Variants in SLAMF1 observed in about 807,000 individuals in gnomAD.
SLAMF1 encodes the protein signaling lymphocytic activation molecule family member 1, also known as signaling lymphocytic activation molecule.
In SLAMF1, 18 loss-of-function variants were observed where a neutral mutation model predicts 35.1. That is an observed-to-expected ratio of 0.51 (90% CI 0.35 to 0.76). SLAMF1 has a LOEUF of 0.76. Ranked by LOEUF, SLAMF1 falls within the 30% of genes least tolerant of loss-of-function variation. The pLI is 0.01. For missense variants in SLAMF1, 392 were observed against 413.0 expected (o/e 0.95, Z 0.44); for synonymous variants, 168 against 157.2 (o/e 1.07, Z -0.51).
Position 160,619,949 on chromosome 1 carries a change from C to T in SLAMF1, c.791-100G>A, listed in dbSNP as rs1659516850. ...CTGTCCTTTGCATACCCACTTTCCC[C>T]AAGGGCACAATGGAAACAAAGCCCT... is the stretch of plus-strand genomic sequence containing the variant. On this transcript the variant is annotated intron_variant, in intron 4 of 6. Coordinates refer to ENST00000302035, the MANE Select transcript of SLAMF1 (RefSeq NM_003037.5). The T allele has an allele frequency of 3.8e-6, 3 of 791,730 alleles. No homozygotes were observed. The East Asian group carries it at 7.3e-5, about 19-fold the overall frequency. 49.0% of individuals were successfully genotyped at this position (791,730 alleles called of 1,614,324 possible).
rs2295612 is a variant in SLAMF1, at chr1:160,646,913, G to A, written c.33C>T (p.Phe11=). The A allele has an allele frequency of 5.0e-6, 8 of 1,605,140 alleles. No homozygotes were observed. Among genetic ancestry groups the A allele is most frequent in the East Asian group, 4.5e-5 (2 of 44,792 alleles). The part of the protein sequence containing the change: MDPKGLLSLT[F]VLFLSLAFGA... ...CAAAAGCCAGGGAGAGAAACAGCAC[G>A]AAGGTCAAGGAGAGGAGCCCCTTGG... Residue 11 remains phenylalanine, a synonymous_variant, in exon 1 of 7, where the codon TTC becomes TTT. Coordinates refer to ENST00000302035, the MANE Select transcript of SLAMF1 (RefSeq NM_003037.5).
chr1:160,612,058 T>C (rs1042268920), intron 6 of SLAMF1, among the ~76,000 whole-genome samples: 4 of 152,088 alleles, frequency 2.6e-5, no homozygotes, highest in African/African-American at 9.7e-5. Flanking sequence ...GATGTGGTCC[T>C]TGGACAACTC....
chr1:160,617,843 TG>T (rs1398851303), intron 5 of SLAMF1, among the ~76,000 whole-genome samples: 1 of 152,082 alleles, frequency 6.6e-6, no homozygotes, highest in Non-Finnish European at 1.5e-5. Flanking sequence ...GAGGCTGAGG[TG>T]GGCAGATCAC....
intron 6 of SLAMF1, 42 bp downstream of exon 6, chr1:160,612,446 T>C (rs1040917568): frequency 3.8e-6 from 5 of 1,322,164 alleles, no homozygotes; most frequent in Admixed American, 2.0e-5. Flanking sequence ...CCCTCCTTCA[T>C]GTATTCCCTC....
intron 5 of SLAMF1, among the ~76,000 whole-genome samples, chr1:160,614,195 A>C (rs944606984): frequency 2.6e-5 from 4 of 152,240 alleles, no homozygotes; most frequent in African/African-American, 9.6e-5. Flanking sequence ...GATCCCATAC[A>C]ATTCTTAAAT....
rs947956993 is a variant in SLAMF1 at position 160,609,265 on chromosome 1, A to G, written c.*1483T>C. 6.6e-6 allele frequency: 1 copy of G among 152,186 alleles called. No individual in the cohort carries two copies. The highest frequency in any genetic ancestry group is 2.4e-5 in the African/African-American group (1 of 41,444). 9.4% of individuals were successfully genotyped at this position (152,186 alleles called of 1,614,324 possible). A position where few individuals can be genotyped will look rare whatever the true frequency, so the allele number is the denominator to read the frequency against. ...TTCTTTTCCTGCTCACTTTCAAAGC[A>G]TGGTTTTGCAGAAACTTCTAGCAGT... On this transcript the variant is annotated 3_prime_UTR_variant, in exon 7 of 7. Transcript: ENST00000302035.
intron 1 of SLAMF1, among the ~76,000 whole-genome samples, chr1:160,639,671 C>A (rs1364616478): frequency 2.0e-5 from 3 of 152,208 alleles, no homozygotes; most frequent in East Asian, 1.9e-4. Flanking sequence ...GATCTCCCTG[C>A]ATTCATACAA....
chr1:160,631,228 TA>T (rs1660148422), intron 3 of SLAMF1, among the ~76,000 whole-genome samples: 1 of 152,236 alleles, frequency 6.6e-6, no homozygotes, highest in African/African-American at 2.4e-5. Context: ...TTTCAGTATT[TA>T]GGCAATCTGG....
chr1:160,634,331 AAGGCAAGAGGC>A, intron 3 of SLAMF1: 3 of 936,296 alleles, frequency 3.2e-6, no homozygotes, highest in Non-Finnish European at 3.8e-6. Context: ...GGTTGGAGTC[AAGGCAAGAGGC>A]AGAGAAGGCT....
At chr1:160,636,167 G>A (rs1004957426) in intron 2 of SLAMF1, among the ~76,000 whole-genome samples, 5 of 152,226 alleles carry the variant, frequency 3.3e-5, no homozygotes, top group African/African-American at 1.2e-4. Flanking sequence ...CATCCACACC[G>A]TTTTGGAAAA....
intron 5 of SLAMF1, among the ~76,000 whole-genome samples, chr1:160,618,192 T>C (rs1168763884): frequency 6.6e-6 from 1 of 152,172 alleles, no homozygotes; most frequent in Non-Finnish European, 1.5e-5. Context: ...ACTTGATAAG[T>C]TGATTCTAAA....
intron 3 of SLAMF1, among the ~76,000 whole-genome samples, chr1:160,631,044 T>C (rs59622408): frequency 0.017 from 2,596 of 152,334 alleles, 68 homozygotes; most frequent in African/African-American, 0.059. Context: ...ATTGTTTACT[T>C]ATACAGCTGT....
At chr1:160,634,543 C>A in intron 3 of SLAMF1, 70 bp downstream of exon 3, 2 of 1,475,522 alleles carry the variant, frequency 1.4e-6, no homozygotes, top group Middle Eastern at 2.1e-4. Flanking sequence ...GGCTGGGGAG[C>A]AATTGGACCA....
intron 4 of SLAMF1, chr1:160,623,672 T>A: frequency 2.5e-6 from 1 of 400,288 alleles, no homozygotes; most frequent in Non-Finnish European, 4.4e-6. Context: ...GCACTTCAAC[T>A]GCAGGGGAAT....
At chr1:160,643,180 C>A (rs763313057) in intron 1 of SLAMF1, among the ~76,000 whole-genome samples, 2 of 152,146 alleles carry the variant, frequency 1.3e-5, no homozygotes, top group African/African-American at 4.8e-5. Flanking sequence ...GCTATCCCCC[C>A]TCCCCGTCTT....
rs969661529 is a variant in SLAMF1, at chr1:160,624,580, C to T, written c.701-395G>A. Among the ~76,000 whole-genome samples the T allele has an allele frequency of 1.2e-4, 19 of 152,122 alleles. No individual in the cohort carries two copies. The East Asian group carries it at 1.5e-3, about 12-fold the overall frequency. On this transcript the variant is annotated intron_variant, in intron 3 of 6. Coordinates refer to ENST00000302035, the MANE Select transcript of SLAMF1 (RefSeq NM_003037.5). Reference sequence around the variant, plus strand: ...AAGAGAATATAATGGTTCCATGTGCCGTCCCTGTGAATTCACGCTATTCTC... The same window carrying T: ...AAGAGAATATAATGGTTCCATGTGCTGTCCCTGTGAATTCACGCTATTCTC...
rs1323224515 is a variant in SLAMF1, at chr1:160,642,690, T to C, written c.76+4180A>G. Among the ~76,000 whole-genome samples the C allele has an allele frequency of 6.6e-6, 1 of 152,236 alleles. No individual in the cohort carries two copies. Among genetic ancestry groups the C allele is most frequent in the Non-Finnish European group, 1.5e-5 (1 of 68,048 alleles). ...CTCCCTCCAAAAGCAGAATGTACTCTGATTTGCCTTTATAGTATCCCTAAG... is the reference window on the plus strand; with the variant it reads ...CTCCCTCCAAAAGCAGAATGTACTCCGATTTGCCTTTATAGTATCCCTAAG... On this transcript the variant is annotated intron_variant, in intron 1 of 6. Transcript: ENST00000302035. This position sits in a 1 kb window ranked among gnomAD's most constrained non-coding sequence, Gnocchi z 4.2.
chr1:160,626,678 A>G (rs1469661479), intron 3 of SLAMF1, among the ~76,000 whole-genome samples: 2 of 152,172 alleles, frequency 1.3e-5, no homozygotes, highest in Admixed American at 6.5e-5. Flanking sequence ...TGGGAACTGC[A>G]GATTTTGTGG....
rs1255609450 is a variant in SLAMF1, at chr1:160,612,487, C to G, written c.957+1G>C. 1 of 1,601,726 alleles carries G rather than the reference C, an allele frequency of 6.2e-7. No homozygotes were observed. The highest frequency in any genetic ancestry group is 8.6e-7 in the Non-Finnish European group (1 of 1,169,578). The stretch of plus-strand genomic sequence containing the variant: ...GGAGAGTAGGCAGAGAGATGCCTCA[C>G]CTGGACAGACTCTGGGACAGGCTCT... On this transcript the variant is annotated splice_donor_variant, in intron 6 of 6. Coordinates refer to ENST00000302035, the MANE Select transcript of SLAMF1 (RefSeq NM_003037.5). LOFTEE classifies it high-confidence loss of function.
Sources: allele counts gnomAD v4.1 joint callset (sites outside exome capture counted in the v4.1 genomes callset), GRCh38; gene constraint gnomAD v4.1.1; non-coding constraint Gnocchi (gnomAD v3.1); transcripts MANE v1.5; gene names NCBI Gene and HGNC (gene_info 2026-07-23, HGNC 2026-07-21).